CAPZA1: variants seen among roughly 807,000 people sequenced by gnomAD.
CAPZA1 encodes capping actin protein of muscle Z-line subunit alpha 1, also known as F-actin-capping protein subunit alpha-1.
Under a neutral mutation model 40.8 loss-of-function variants are expected in CAPZA1, and 10 were observed. The observed-to-expected ratio is 0.25, with a 90% CI of 0.15 to 0.42. The LOEUF (loss-of-function observed/expected upper bound fraction) is 0.42, where lower values mean the gene tolerates loss of function less well. CAPZA1 is among the 10% of genes least tolerant of loss of function. CAPZA1 has a pLI of 1.00. For missense variants in CAPZA1, 277 were observed against 353.8 expected, an observed-to-expected ratio of 0.78 and a Z score of 1.74; for synonymous variants, 98 against 115.0, an observed-to-expected ratio of 0.85 and a Z score of 0.95.
At chr1:112,624,012 AAAAAAAAAG>A (rs1487677854) in intron 1 of CAPZA1, among the ~76,000 whole-genome samples, 22 of 147,438 alleles carry the variant, frequency 1.5e-4, no homozygotes, top group African/African-American at 4.8e-4. Flanking sequence ...TCTCAAAAAA[AAAAAAAAAG>A]AAAAAAGAAA....
At chr1:112,660,452 C>G (rs2101182791) in intron 7 of CAPZA1, among the ~76,000 whole-genome samples, 1 of 151,810 alleles carries the variant, frequency 6.6e-6, no homozygotes, top group South Asian at 2.1e-4. Context: ...AGCTAATTTT[C>G]TATTTTTAGT....
Position 112,669,487 on chromosome 1 carries a change from T to C in CAPZA1, c.658-56T>C, listed in dbSNP as rs143085902. Reference sequence around the variant, plus strand: ...TAAGATGGACTTACTTTCAGGATCTTACTGCTTACACATTAAAAAAAAATC... The same window carrying C: ...TAAGATGGACTTACTTTCAGGATCTCACTGCTTACACATTAAAAAAAAATC... On this transcript the variant is annotated intron_variant, in intron 8 of 9. Transcript: ENST00000263168. 753 of 1,191,746 alleles carry C rather than the reference T, an allele frequency of 6.3e-4. 1 individual carries two copies. The African/African-American group carries it at 0.01, about 16-fold the overall frequency. The allele number at this position is 1,191,746 out of a possible 1,614,324, so 73.8% of individuals were successfully genotyped here.
At chr1:112,633,518 T>G (rs902382577) in intron 1 of CAPZA1, among the ~76,000 whole-genome samples, 1 of 152,220 alleles carries the variant, frequency 6.6e-6, no homozygotes, top group Non-Finnish European at 1.5e-5. Flanking sequence ...AGGTTACTTT[T>G]GTATCTTGAT....
intron 1 of CAPZA1, among the ~76,000 whole-genome samples, chr1:112,621,741 CATT>C (rs1364195533): frequency 1.4e-5 from 2 of 147,130 alleles, no homozygotes; most frequent in Non-Finnish European, 3.0e-5. Flanking sequence ...TAATTAATAA[CATT>C]AATGTCTTGG....
In CAPZA1 at chr1:112,642,405, TG is replaced by T. The variant is rs1293491149; in HGVS notation, c.40-4801del. ...ATTTTTGTATTTTTTTTAGTAGAGA[TG>T]GGGTTTCACCATCTTGGCCAGGCTG... On this transcript the variant is annotated intron_variant, in intron 1 of 9. Coordinates refer to ENST00000263168, the MANE Select transcript of CAPZA1 (RefSeq NM_006135.3). Among the ~76,000 whole-genome samples, 3 of 151,672 alleles carry T rather than the reference TG, an allele frequency of 2.0e-5. No individual in the cohort carries two copies. The South Asian group carries it at 6.2e-4, about 32-fold the overall frequency.
In CAPZA1 at chr1:112,619,895, G is replaced by A. The variant is rs753166751; in HGVS notation, c.39+12G>A. The A allele has an allele frequency of 2.6e-5, 42 of 1,605,042 alleles. No individual in the cohort carries two copies. Among genetic ancestry groups the A allele is most frequent in the Non-Finnish European group, 3.1e-5 (36 of 1,174,880 alleles). ...CGGATGAGGAGAAGGTAAGGGGTCC[G>A]CCTCTCTCTCTTACCTCCTCCCCCG... On this transcript the variant is annotated intron_variant, in intron 1 of 9. Transcript: ENST00000263168.
chr1:112,648,958 C>T lies in CAPZA1; in HGVS notation c.104-460C>T, dbSNP rs1049961581. Among the ~76,000 whole-genome samples, 7 of 142,054 alleles carry T rather than the reference C, an allele frequency of 4.9e-5. 1 individual carries two copies. The highest frequency in any genetic ancestry group is 1.1e-4 in the Non-Finnish European group (7 of 65,296). 93.2% of individuals were successfully genotyped at this position (142,054 alleles called of 152,430 possible). ...AGCCTAGGCGACAGGAGTGAGACTT[C>T]GTCTCAAAAAAAAAAAAAGGTGACT... is the stretch of plus-strand genomic sequence containing the variant. On this transcript the variant is annotated intron_variant, in intron 2 of 9. Transcript: ENST00000263168.
chr1:112,627,636 CAAAAAAAAAAAAAAAAA>C (rs3034524), intron 1 of CAPZA1, among the ~76,000 whole-genome samples: 778 of 50,798 alleles, frequency 0.015, 17 homozygotes, highest in African/African-American at 0.062. Context: ...GACTCTGTCT[CAAAAAAAAAAAAAAAAA>C]AAAAAAAAAA....
intron 5 of CAPZA1, among the ~76,000 whole-genome samples, chr1:112,655,105 A>G (rs1428576678): frequency 6.6e-6 from 1 of 152,114 alleles, no homozygotes; most frequent in Non-Finnish European, 1.5e-5. Context: ...GCTCATATTT[A>G]TGGCTTTTTG....
intron 1 of CAPZA1, among the ~76,000 whole-genome samples, chr1:112,629,079 G>A (rs1484833144): frequency 2.0e-5 from 3 of 152,196 alleles, no homozygotes; most frequent in Admixed American, 2.0e-4. Flanking sequence ...TCACTTTTCT[G>A]CTCAAAGCCC....
Position 112,659,501 on chromosome 1 carries a change from G to A in CAPZA1, c.507-200G>A, listed in dbSNP as rs887227586. The A allele has an allele frequency of 7.0e-6, 4 of 575,328 alleles. No individual in the cohort carries two copies. In the East Asian group the frequency reaches 1.1e-4, roughly 16 times the overall value. 35.6% of individuals were successfully genotyped at this position (575,328 alleles called of 1,614,324 possible). A position where few individuals can be genotyped will look rare whatever the true frequency, so the allele number is the denominator to read the frequency against. On this transcript the variant is annotated intron_variant, in intron 6 of 9. Transcript: ENST00000263168. ...ACAAAATAACTTAGAAAAGGCTTAT[G>A]GTCAGGCCACTTAGATCCAGACTTA...
chr1:112,624,138 C>T (rs1036238769), intron 1 of CAPZA1, among the ~76,000 whole-genome samples: 1 of 152,060 alleles, frequency 6.6e-6, no homozygotes, highest in African/African-American at 2.4e-5. Flanking sequence ...TTCCAGAACA[C>T]TTAGCTGTTT....
At chr1:112,661,227 T>C (rs1395137002) in intron 7 of CAPZA1, among the ~76,000 whole-genome samples, 1 of 152,238 alleles carries the variant, frequency 6.6e-6, no homozygotes, top group Non-Finnish European at 1.5e-5. Flanking sequence ...AAGTAGCTCC[T>C]GGCCATAGGA....
intron 1 of CAPZA1, among the ~76,000 whole-genome samples, chr1:112,635,297 T>C (rs942530542): frequency 3.9e-5 from 6 of 152,134 alleles, no homozygotes; most frequent in Non-Finnish European, 7.3e-5. Flanking sequence ...GTGAAATCTT[T>C]AATACATTCA....
intron 1 of CAPZA1, among the ~76,000 whole-genome samples, chr1:112,642,388 A>G (rs954012340): frequency 1.3e-5 from 2 of 150,276 alleles, no homozygotes; most frequent in Non-Finnish European, 3.0e-5. Context: ...TAATTTTTGT[A>G]TTTTTTTTAG....
intron 1 of CAPZA1, among the ~76,000 whole-genome samples, chr1:112,644,331 C>T (rs1671241040): frequency 6.6e-6 from 1 of 151,614 alleles, no homozygotes; most frequent in Non-Finnish European, 1.5e-5. Flanking sequence ...GCTGGGATTA[C>T]AGGTACCCAC....
Position 112,653,676 on chromosome 1 carries a change from T to G in CAPZA1, c.219+15T>G. On this transcript the variant is annotated intron_variant, in intron 4 of 9. Coordinates refer to ENST00000263168, the MANE Select transcript of CAPZA1 (RefSeq NM_006135.3). ...ATGAAGATCAGGTAATAATTGCCTT[T>G]TAGACAGGCTATGCCTGGCAGATAG... The G allele has an allele frequency of 6.4e-7, 1 of 1,563,078 alleles. No individual in the cohort carries two copies. The highest frequency in any genetic ancestry group is 8.8e-7 in the Non-Finnish European group (1 of 1,139,158).
intron 1 of CAPZA1, among the ~76,000 whole-genome samples, chr1:112,640,746 C>T (rs773471576): frequency 3.3e-5 from 5 of 152,210 alleles, no homozygotes; most frequent in Non-Finnish European, 7.3e-5. Context: ...TGAGAACGGG[C>T]CAGGATGACA....
chr1:112,622,624 T>C (rs1328192695), intron 1 of CAPZA1, among the ~76,000 whole-genome samples: 1 of 152,238 alleles, frequency 6.6e-6, no homozygotes, highest in Non-Finnish European at 1.5e-5. Flanking sequence ...CCCTTCAGCC[T>C]AACTAGTGGA....
Sources: allele counts gnomAD v4.1 joint callset (sites outside exome capture counted in the v4.1 genomes callset), GRCh38; gene constraint gnomAD v4.1.1; transcripts MANE v1.5; gene names NCBI Gene and HGNC (gene_info 2026-07-23, HGNC 2026-07-21).